Variants in TIE1 observed in about 807,000 individuals in gnomAD.
TIE1 encodes tyrosine-protein kinase receptor Tie-1.
TIE1 carries 89 observed loss-of-function variants against 130.5 expected under a neutral mutation model. The ratio of observed to expected loss-of-function variants is 0.68; its 90% CI spans 0.57 to 0.81. The LOEUF (loss-of-function observed/expected upper bound fraction) is 0.81, where lower values mean the gene tolerates loss of function less well. Ranked by LOEUF, TIE1 falls within the 40% of genes least tolerant of loss-of-function variation. The pLI is 0.00. For missense variants in TIE1, 1,392 were observed against 1,559.8 expected (o/e 0.89, Z 1.81); for synonymous variants, 568 against 629.4 (o/e 0.90, Z 1.46).
chr1:43,310,008 A>T (rs1242750835), intron 9 of TIE1, among the ~76,000 whole-genome samples: 1 of 152,072 alleles, frequency 6.6e-6, no homozygotes, highest in Non-Finnish European at 1.5e-5. Flanking sequence ...GGGACCTCCC[A>T]GTGCCCAAGA....
Position 43,301,060 on chromosome 1 carries a change from G to C in TIE1, c.-12G>C. ...CAGCTCGTCCTGGCTGGCCTGGGTC[G>C]GCCTCTGGAGTATGGTCTGGCGGGT... On this transcript the variant is annotated 5_prime_UTR_variant, in exon 1 of 23. Transcript: ENST00000372476. 1 of 1,613,486 alleles carries C rather than the reference G, an allele frequency of 6.2e-7. No homozygotes were observed. The highest frequency in any genetic ancestry group is 8.5e-7 in the Non-Finnish European group (1 of 1,179,732).
rs756842988 is a variant in TIE1, at chr1:43,309,063, G to A, written c.1120G>A (p.Ala374Thr). Residue 374 changes from alanine to threonine, a missense_variant, in exon 8 of 23, where the codon GCT (alanine) becomes ACT (threonine). This residue lies in a region of TIE1 where 551 missense variants were observed against 565.5 expected (regional missense o/e 0.97). Transcript: ENST00000372476. This position sits in a 1 kb window ranked among gnomAD's most constrained non-coding sequence, Gnocchi z 6.3. ...LETMPRINCA[A>T]AGNPFPVRGS... ...GACGATGCCCCGGATCAACTGTGCA[G>A]CTGCAGGGAACCCCTTCCCCGTGCG... is the stretch of plus-strand genomic sequence containing the variant. The A allele has an allele frequency of 6.2e-7, 1 of 1,613,870 alleles. No individual in the cohort carries two copies. The highest frequency in any genetic ancestry group is 8.5e-7 in the Non-Finnish European group (1 of 1,179,930).
At chr1:43,304,415 T>G (rs1158481036) in intron 1 of TIE1, among the ~76,000 whole-genome samples, 1 of 152,182 alleles carries the variant, frequency 6.6e-6, no homozygotes, top group African/African-American at 2.4e-5. Flanking sequence ...GAGAAGTGGC[T>G]CACAGCAACC....
rs777391354 is a variant in TIE1, at chr1:43,312,649, A to G, written c.1927+48A>G. ...GCTGGGGGTTGGGGGAGGACGTGGG[A>G]CACAGGGACACATGAGACCTAGGAG... On this transcript the variant is annotated intron_variant, in intron 12 of 22. Coordinates refer to ENST00000372476, the MANE Select transcript of TIE1 (RefSeq NM_005424.5). This position sits in a 1 kb window ranked among gnomAD's most constrained non-coding sequence, Gnocchi z 5.6. 1.9e-6 allele frequency: 3 copies of G among 1,548,206 alleles called. 1 individual carries two copies. In the South Asian group the frequency reaches 3.8e-5, roughly 19 times the overall value.
chr1:43,317,829 C>A lies in TIE1; in HGVS notation c.2732-53C>A. ...TCTGTTACCATCGGGTGCCTGCTCCCACCCTAGGTTGCCTGTGTCTAAATC... is the reference window on the plus strand; with the variant it reads ...TCTGTTACCATCGGGTGCCTGCTCCAACCCTAGGTTGCCTGTGTCTAAATC... On this transcript the variant is annotated intron_variant, in intron 16 of 22. Coordinates refer to ENST00000372476, the MANE Select transcript of TIE1 (RefSeq NM_005424.5). The surrounding 1 kb of genome is among the most constrained non-coding windows in gnomAD (Gnocchi z 5.1). 6.3e-7 allele frequency: 1 copy of A among 1,596,834 alleles called. No individual in the cohort carries two copies. The highest frequency in any genetic ancestry group is 1.1e-5 in the South Asian group (1 of 89,766).
At chr1:43,304,783 G>A in intron 1 of TIE1, 68 bp from the exon 2 acceptor site, 2 of 1,368,254 alleles carry the variant, frequency 1.5e-6, no homozygotes, top group Non-Finnish European at 1.9e-6. Context: ...CAGAGGGCTG[G>A]GGCTGGGGGC....
rs1646930538 is a variant in TIE1 at position 43,322,605 on chromosome 1, A to G, written c.3346-46A>G. 6.5e-7 allele frequency: 1 copy of G among 1,532,158 alleles called. No individual in the cohort carries two copies. The highest frequency in any genetic ancestry group is 1.4e-5 in the African/African-American group (1 of 73,490). 94.9% of individuals were successfully genotyped at this position (1,532,158 alleles called of 1,614,324 possible). A position where few individuals can be genotyped will look rare whatever the true frequency, so the allele number is the denominator to read the frequency against. The stretch of plus-strand genomic sequence containing the variant: ...TGGAAGTCCAGGAGCTTGAGGCCAG[A>G]TGCACCCCCATTCCTGGCCCCCACT... On this transcript the variant is annotated intron_variant, in intron 22 of 22. Transcript: ENST00000372476. This position sits in a 1 kb window ranked among gnomAD's most constrained non-coding sequence, Gnocchi z 4.0.
Position 43,309,350 on chromosome 1 carries a change from G to C in TIE1, c.1189-38G>C, listed in dbSNP as rs764015006. The C allele has an allele frequency of 6.5e-7, 1 of 1,548,430 alleles. No individual in the cohort carries two copies. The highest frequency in any genetic ancestry group is 1.3e-5 in the South Asian group (1 of 78,692). On this transcript the variant is annotated intron_variant, in intron 8 of 22. Transcript: ENST00000372476. The surrounding 1 kb of genome is among the most constrained non-coding windows in gnomAD (Gnocchi z 6.3). The stretch of plus-strand genomic sequence containing the variant: ...CTGGGTGCCTGCCACAGAGGTGCCC[G>C]TTCCCTGTGACCTGTCCCCTTCCCC...
At position 43,316,155 on chromosome 1, in the gene TIE1, G is replaced by C. The variant is rs770612662; in HGVS notation, c.2410-1044G>C. On this transcript the variant is annotated intron_variant, in intron 14 of 22. Coordinates refer to ENST00000372476, the MANE Select transcript of TIE1 (RefSeq NM_005424.5). The surrounding 1 kb of genome is among the most constrained non-coding windows in gnomAD (Gnocchi z 4.4). The stretch of plus-strand genomic sequence containing the variant: ...GTGTGCTCCATGTATGAGTGCACAC[G>C]TGCATCCCCTGTGAGTGCCACATGT... Among the ~76,000 whole-genome samples the C allele has an allele frequency of 6.6e-6, 1 of 152,208 alleles. No individual in the cohort carries two copies. The highest frequency in any genetic ancestry group is 2.4e-5 in the African/African-American group (1 of 41,452).
At position 43,309,381 on chromosome 1, in the gene TIE1, C is replaced by T; in HGVS notation, c.1189-7C>T. The T allele has an allele frequency of 1.3e-6, 2 of 1,579,862 alleles. No individual in the cohort carries two copies. Among genetic ancestry groups the T allele is most frequent in the Non-Finnish European group, 8.6e-7 (1 of 1,166,042 alleles). On this transcript the variant is annotated splice_polypyrimidine_tract_variant and splice_region_variant and intron_variant, in intron 8 of 22. Coordinates refer to ENST00000372476, the MANE Select transcript of TIE1 (RefSeq NM_005424.5). This position sits in a 1 kb window ranked among gnomAD's most constrained non-coding sequence, Gnocchi z 6.3. Reference sequence around the variant, plus strand: ...TGTGACCTGTCCCCTTCCCCCATCTCTTTTAGTCCACCAAGGCCATTGTGG... The same window carrying T: ...TGTGACCTGTCCCCTTCCCCCATCTTTTTTAGTCCACCAAGGCCATTGTGG...
intron 7 of TIE1, among the ~76,000 whole-genome samples, chr1:43,308,588 G>A (rs967125701): frequency 2.7e-5 from 4 of 150,762 alleles, no homozygotes; most frequent in Non-Finnish European, 5.9e-5. Flanking sequence ...GGGGCAAGAG[G>A]GAATTGTTAA....
Position 43,307,232 on chromosome 1 carries a change from G to A in TIE1, c.731G>A (p.Cys244Tyr), listed in dbSNP as rs1646738923. 1 of 1,614,156 alleles carries A rather than the reference G, an allele frequency of 6.2e-7. No homozygotes were observed. Among genetic ancestry groups the A allele is most frequent in the Middle Eastern group, 1.6e-4 (1 of 6,062 alleles). ...GTCTGCCACGACCATGACGGCGAAT[G>A]TGTATGCCCCCCTGGCTTCACTGGC... ...GGVCHDHDGE[C>Y]VCPPGFTGTR... The change falls in exon 5 of 23, where the codon TGT becomes TAT. Residue 244 changes from cysteine (C) to tyrosine (Y), a missense_variant. By Grantham distance (194) the Cys-to-Tyr change is radical. Coordinates refer to ENST00000372476, the MANE Select transcript of TIE1 (RefSeq NM_005424.5). The surrounding 1 kb of genome is among the most constrained non-coding windows in gnomAD (Gnocchi z 5.4).
chr1:43,304,707 G>C (rs2153910215), intron 1 of TIE1, 144 bp from the exon 2 acceptor site: 2 of 844,502 alleles, frequency 2.4e-6, no homozygotes, highest in East Asian at 3.3e-5. Flanking sequence ...TGAAGAACCG[G>C]GCAGGGGAAG....
At chr1:43,302,087 G>A (rs1646676272) in intron 1 of TIE1, among the ~76,000 whole-genome samples, 1 of 152,114 alleles carries the variant, frequency 6.6e-6, no homozygotes, top group Non-Finnish European at 1.5e-5. Flanking sequence ...TCTGTGGAGG[G>A]CCATTTTCAG....
Position 43,313,084 on chromosome 1 carries a change from C to G in TIE1, c.1928-51C>G, listed in dbSNP as rs1376588654. 6.4e-7 allele frequency: 1 copy of G among 1,551,886 alleles called. No individual in the cohort carries two copies. The highest frequency in any genetic ancestry group is 2.3e-5 in the East Asian group (1 of 44,430). ...AGAGCAGATGTGTCCAGCCCCACAG[C>G]TACATAGCCCGGTCCTATCTGAGCC... On this transcript the variant is annotated intron_variant, in intron 12 of 22. Coordinates refer to ENST00000372476, the MANE Select transcript of TIE1 (RefSeq NM_005424.5). The surrounding 1 kb of genome is among the most constrained non-coding windows in gnomAD (Gnocchi z 6.2).
Position 43,305,030 on chromosome 1 carries a change from C to T in TIE1, c.238C>T (p.Leu80=). 1 of 1,583,554 alleles carries T rather than the reference C, an allele frequency of 6.3e-7. No homozygotes were observed. Residue 80 remains leucine (L), a synonymous_variant, in exon 2 of 23, where the codon CTG becomes TTG. Transcript: ENST00000372476. Reference sequence around the variant, plus strand: ...CACCCCGCCCGGGCCACCCCTGCGCCTGGCGCGCAACGGTTCGCACCAGGT... The same window carrying T: ...CACCCCGCCCGGGCCACCCCTGCGCTTGGCGCGCAACGGTTCGCACCAGGT... ...VRTPPGPPLR[L]ARNGSHQVTL... is the part of the protein sequence containing the mutation.
At chr1:43,303,134 A>G (rs548227674) in intron 1 of TIE1, among the ~76,000 whole-genome samples, 1 of 152,308 alleles carries the variant, frequency 6.6e-6, no homozygotes, top group African/African-American at 2.4e-5. Flanking sequence ...CTGGCAGCCA[A>G]TAAACATTCA....
intron 1 of TIE1, among the ~76,000 whole-genome samples, chr1:43,304,482 G>A (rs1646702508): frequency 6.6e-6 from 1 of 152,210 alleles, no homozygotes; most frequent in Non-Finnish European, 1.5e-5. Flanking sequence ...AATAAAGTGA[G>A]GAAACGGAGA....
Position 43,316,751 on chromosome 1 carries a change from T to G in TIE1, c.2410-448T>G, listed in dbSNP as rs1646861447. Among the ~76,000 whole-genome samples the G allele has an allele frequency of 6.6e-6, 1 of 152,152 alleles. No homozygotes were observed. Among genetic ancestry groups the G allele is most frequent in the Non-Finnish European group, 1.5e-5 (1 of 68,012 alleles). On this transcript the variant is annotated intron_variant, in intron 14 of 22. Coordinates refer to ENST00000372476, the MANE Select transcript of TIE1 (RefSeq NM_005424.5). The surrounding 1 kb of genome is among the most constrained non-coding windows in gnomAD (Gnocchi z 4.4). ...GCTGGAATCTTCTCCAGAGCTTCCC[T>G]GGTGACCCCCAACAACAACAACAAC...
Sources: allele counts gnomAD v4.1 joint callset (sites outside exome capture counted in the v4.1 genomes callset), GRCh38; gene constraint gnomAD v4.1.1; regional missense constraint gnomAD v4.1.1; non-coding constraint Gnocchi (gnomAD v3.1); transcripts MANE v1.5; gene names NCBI Gene and HGNC (gene_info 2026-07-23, HGNC 2026-07-21).